The following SLC35F4 variants were observed in gnomAD, a reference collection of about 807,000 sequenced individuals.
The protein encoded by SLC35F4 is solute carrier family 35 member F4, also known as chromosome 14 open reading frame 36.
A neutral mutation model predicts 44.2 loss-of-function variants in SLC35F4; 24 were observed. That is an observed-to-expected ratio of 0.54 (90% CI 0.39 to 0.76). The LOEUF is 0.76. SLC35F4 is among the 30% of genes least tolerant of loss of function. The pLI, the probability that SLC35F4 is intolerant of heterozygous loss-of-function variation, is 0.00. For missense variants in SLC35F4, 562 were observed against 586.1 expected (o/e 0.96, Z 0.42); for synonymous variants, 238 against 223.6 (o/e 1.06, Z -0.57).
chr14:57,826,232 A>T (rs1241425545), intron 1 of SLC35F4, among the ~76,000 whole-genome samples: 2 of 152,052 alleles, frequency 1.3e-5, no homozygotes, highest in African/African-American at 4.8e-5. Context: ...CATCTGATCT[A>T]CAAAAAGCTC....
chr14:57,604,464 A>G (rs908996215), intron 1 of SLC35F4, among the ~76,000 whole-genome samples: 1 of 152,214 alleles, frequency 6.6e-6, no homozygotes, highest in Non-Finnish European at 1.5e-5. Context: ...GATGACACAA[A>G]TGAATGGAAA....
chr14:57,733,476 T>C (rs913381149), intron 1 of SLC35F4, among the ~76,000 whole-genome samples: 22 of 150,502 alleles, frequency 1.5e-4, no homozygotes, highest in African/African-American at 5.4e-4. Flanking sequence ...AATTTAGATA[T>C]AGCCAGAAAA....
intron 1 of SLC35F4, among the ~76,000 whole-genome samples, chr14:57,933,234 G>T (rs150760515): frequency 4.5e-4 from 68 of 151,784 alleles, no homozygotes; most frequent in East Asian, 4.1e-3. Context: ...TATTGACCAG[G>T]CTGGTCTTGA....
chr14:57,745,056 TC>T, intron 1 of SLC35F4, among the ~76,000 whole-genome samples: 1 of 152,284 alleles, frequency 6.6e-6, no homozygotes, highest in Admixed American at 6.5e-5. Flanking sequence ...CTGGATCCAT[TC>T]CTTACACCTT....
upstream of SLC35F4, among the ~76,000 whole-genome samples, chr14:57,982,941 A>G (rs1181886633): frequency 6.6e-6 from 1 of 152,114 alleles, no homozygotes; most frequent in Non-Finnish European, 1.5e-5. Flanking sequence ...GTGACTGCCA[A>G]TCCTCACCGC....
intron 1 of SLC35F4, among the ~76,000 whole-genome samples, chr14:57,950,864 G>C (rs1353357360): frequency 6.6e-6 from 1 of 151,794 alleles, no homozygotes; most frequent in African/African-American, 2.4e-5. Context: ...ATGGGGTTTC[G>C]CCATCTTGCC....
At chr14:57,762,962 TAAA>T (rs1301373965) in intron 1 of SLC35F4, among the ~76,000 whole-genome samples, 1 of 152,156 alleles carries the variant, frequency 6.6e-6, no homozygotes, top group Non-Finnish European at 1.5e-5. Flanking sequence ...AATGTTTATC[TAAA>T]AGAAAAGAGA....
At chr14:57,945,439 A>ATATGTGTGTG (rs1890007421) in intron 1 of SLC35F4, among the ~76,000 whole-genome samples, 1 of 104,690 alleles carries the variant, frequency 9.6e-6, no homozygotes, top group Non-Finnish European at 1.8e-5. Context: ...AGCAATGATA[A>ATATGTGTGTG]TGTGTGTGTG....
At chr14:57,961,818 T>C (rs963318218) in intron 1 of SLC35F4, among the ~76,000 whole-genome samples, 2 of 152,194 alleles carry the variant, frequency 1.3e-5, no homozygotes, top group African/African-American at 4.8e-5. Context: ...CAGCCCTCCC[T>C]GCCTCAACTG....
intron 1 of SLC35F4, among the ~76,000 whole-genome samples, chr14:57,857,642 T>C (rs965977515): frequency 2.0e-5 from 3 of 152,036 alleles, no homozygotes; most frequent in African/African-American, 7.3e-5. Flanking sequence ...CTCCCCAAGC[T>C]CTATGGGTGA....
At chr14:57,775,399 C>G (rs2077464555) in intron 1 of SLC35F4, among the ~76,000 whole-genome samples, 1 of 152,214 alleles carries the variant, frequency 6.6e-6, no homozygotes, top group Non-Finnish European at 1.5e-5. Flanking sequence ...CCATTGGAGT[C>G]TTGGAACCAG....
intron 1 of SLC35F4, among the ~76,000 whole-genome samples, chr14:57,733,784 C>T (rs1211479467): frequency 2.0e-5 from 3 of 151,966 alleles, no homozygotes; most frequent in African/African-American, 4.8e-5. Flanking sequence ...AGGGCCTAGG[C>T]ATGTTATAGC....
intron 1 of SLC35F4, among the ~76,000 whole-genome samples, chr14:57,929,575 A>T (rs1261713851): frequency 1.3e-5 from 2 of 152,072 alleles, no homozygotes; most frequent in Non-Finnish European, 2.9e-5. Context: ...AAATCCTCTC[A>T]CACCTACCAC....
At chr14:57,928,382 C>T (rs2141063977) in intron 1 of SLC35F4, among the ~76,000 whole-genome samples, 1 of 152,290 alleles carries the variant, frequency 6.6e-6, no homozygotes, top group South Asian at 2.1e-4. Flanking sequence ...AGGACTTTCA[C>T]AATCACGCAG....
At position 57,594,945 on chromosome 14, in the gene SLC35F4, C is replaced by T. The variant is rs116638966; in HGVS notation, c.104-821G>A. 6.5e-3 allele frequency among the ~76,000 whole-genome samples: 983 copies of T among 152,294 alleles called. 7 individuals are homozygous for T. Among genetic ancestry groups the T allele is most frequent in the African/African-American group, 0.022 (921 of 41,550 alleles). On this transcript the variant is annotated intron_variant, in intron 1 of 7. Transcript: ENST00000556826. ...GGGTGCTGTGCTGAGAAGGGCCCAT[C>T]CTGCCACTTCCCACCCCTCAGCCCC...
chr14:57,717,504 C>T (rs2075973563), intron 1 of SLC35F4, among the ~76,000 whole-genome samples: 1 of 152,038 alleles, frequency 6.6e-6, no homozygotes, highest in Admixed American at 6.6e-5. Flanking sequence ...GGCGTGGTGT[C>T]GGGCGCCTGT....
chr14:57,832,046 G>A (rs1393980173), intron 1 of SLC35F4, among the ~76,000 whole-genome samples: 5 of 152,112 alleles, frequency 3.3e-5, no homozygotes, highest in Non-Finnish European at 7.3e-5. Flanking sequence ...GCTTTATCAC[G>A]TATTATTTAA....
At chr14:57,935,464 C>T (rs1030402903) in intron 1 of SLC35F4, among the ~76,000 whole-genome samples, 1 of 152,204 alleles carries the variant, frequency 6.6e-6, no homozygotes, top group Non-Finnish European at 1.5e-5. Flanking sequence ...GAGAGAAGCT[C>T]ACTGGATTCC....
At chr14:57,886,153 G>A (rs551775292) in intron 1 of SLC35F4, among the ~76,000 whole-genome samples, 2 of 152,114 alleles carry the variant, frequency 1.3e-5, no homozygotes, top group Non-Finnish European at 2.9e-5. Flanking sequence ...AACTCCATGA[G>A]GTATTAGGTG....
Sources: allele counts gnomAD v4.1 joint callset (sites outside exome capture counted in the v4.1 genomes callset), GRCh38; gene constraint gnomAD v4.1.1; transcripts MANE v1.5; gene names NCBI Gene and HGNC (gene_info 2026-07-23, HGNC 2026-07-21).